NECAB3: variants seen among roughly 807,000 people sequenced by gnomAD.
NECAB3 encodes N-terminal EF-hand calcium-binding protein 3.
Under a neutral mutation model 57.2 loss-of-function variants are expected in NECAB3, and 38 were observed. The ratio of observed to expected loss-of-function variants is 0.66; its 90% CI spans 0.51 to 0.87. The LOEUF (loss-of-function observed/expected upper bound fraction) is 0.87, where lower values mean the gene tolerates loss of function less well. Ranked by LOEUF, NECAB3 falls within the 40% of genes least tolerant of loss-of-function variation. The probability of loss-of-function intolerance (pLI) is 0.00; values close to 1 mark genes in which losing one functional copy is unlikely to be tolerated. For synonymous variants in NECAB3, 223 were observed against 222.6 expected (o/e 1.00, Z -0.02); for missense variants, 474 against 527.5 (o/e 0.90, Z 0.99).
chr20:33,667,353 G>A (rs1568899539), intron 5 of NECAB3: 1 of 1,106,156 alleles, frequency 9.0e-7, no homozygotes. Flanking sequence ...TGGAAGGGCT[G>A]TGGGAGCGCC....
intron 8 of NECAB3, 60 bp from the exon 9 acceptor site, chr20:33,658,894 G>A (rs1346230618): frequency 3.2e-6 from 4 of 1,230,792 alleles, no homozygotes; most frequent in Non-Finnish European, 4.7e-6. Flanking sequence ...GGGACTGGCT[G>A]TGGCCTCCAG....
At chr20:33,667,760 C>G (rs1445855958) in intron 5 of NECAB3, 2 of 1,612,464 alleles carry the variant, frequency 1.2e-6, no homozygotes, top group Non-Finnish European at 1.7e-6. Context: ...TGCTACGTGT[C>G]CCTGGACTTC....
Position 33,670,675 on chromosome 20 carries a change from C to G in NECAB3, c.263+9G>C. On this transcript the variant is annotated intron_variant, in intron 3 of 11. Coordinates refer to ENST00000246190, the MANE Select transcript of NECAB3 (RefSeq NM_031232.4). ...CTCGCATCTACCCACGGCCCCCTCT[C>G]ATACTCACTCGGTGAGATGCCCATC... The G allele has an allele frequency of 6.2e-7, 1 of 1,607,108 alleles. No homozygotes were observed. Among genetic ancestry groups the G allele is most frequent in the Non-Finnish European group, 8.5e-7 (1 of 1,174,474 alleles).
chr20:33,672,295 T>C (rs1486843648), intron 2 of NECAB3, 103 bp downstream of exon 2: 41 of 1,395,824 alleles, frequency 2.9e-5, no homozygotes, highest in Middle Eastern at 3.5e-4. Flanking sequence ...CCCCAAGATT[T>C]GTCTCAACTC....
At position 33,659,670 on chromosome 20, in the gene NECAB3, C is replaced by A; in HGVS notation, c.706G>T (p.Asp236Tyr). The change falls in exon 8 of 12, where the codon GAC (aspartate) becomes TAC (tyrosine). Residue 236 changes from aspartate to tyrosine, a missense_variant. By Grantham distance (160) the Asp-to-Tyr change is radical. Transcript: ENST00000246190. The part of the protein sequence containing the change: ...LQVNRLQELI[D>Y]QLECKVRAVG... ...GCCCTCACCTTGCACTCGAGCTGGT[C>A]GATGAGCTCCTGGAGGCGGTTCACC... The A allele has an allele frequency of 6.2e-7, 1 of 1,610,574 alleles. No homozygotes were observed. Among genetic ancestry groups the A allele is most frequent in the South Asian group, 1.1e-5 (1 of 90,864 alleles).
At chr20:33,672,235 G>A (rs892145822) in intron 2 of NECAB3, 163 bp downstream of exon 2, 4 of 833,670 alleles carry the variant, frequency 4.8e-6, no homozygotes, top group African/African-American at 3.4e-5. Context: ...ACTTGGCTGA[G>A]AACAGCACTT....
In NECAB3 at chr20:33,659,946, T is replaced by A. The variant is rs1470493733; in HGVS notation, c.582A>T (p.Gly194=). ...GGCTGACACTCCTCAGGGCTCGGCG[T>A]CCTGCCCGCCGGCTGCCGCAGAGCC... ...QSRLCGSRRA[G]RRALRSVSRS... The change falls in exon 7 of 12, where the codon GGA becomes GGT. Residue 194 remains glycine (G), a synonymous_variant. Coordinates refer to ENST00000246190, the MANE Select transcript of NECAB3 (RefSeq NM_031232.4). 1 of 1,555,380 alleles carries A rather than the reference T, an allele frequency of 6.4e-7. No homozygotes were observed. The highest frequency in any genetic ancestry group is 8.7e-7 in the Non-Finnish European group (1 of 1,152,142).
intron 8 of NECAB3, 113 bp from the exon 9 acceptor site, chr20:33,658,947 G>T: frequency 1.4e-6 from 1 of 740,176 alleles, no homozygotes; most frequent in South Asian, 1.6e-5. Flanking sequence ...TTTTAAGACA[G>T]GGTCTTGCTC....
In NECAB3 at chr20:33,674,220, T is replaced by C; in HGVS notation, c.129+4A>G. 8.0e-7 allele frequency: 1 copy of C among 1,253,826 alleles called. No individual in the cohort carries two copies. The allele number at this position is 1,253,826 out of a possible 1,614,324, so 77.7% of individuals were successfully genotyped here. A position where few individuals can be genotyped will look rare whatever the true frequency, so the allele number is the denominator to read the frequency against. On this transcript the variant is annotated splice_donor_region_variant and intron_variant, in intron 1 of 11. Transcript: ENST00000246190. Reference sequence around the variant, plus strand: ...CACCGCGAGCAGAGCCCGCGCCCACTCACGTCCTGGAAGAGCGTGTGTCCG... The same window carrying C: ...CACCGCGAGCAGAGCCCGCGCCCACCCACGTCCTGGAAGAGCGTGTGTCCG...
At chr20:33,661,432 G>C (rs530184775) in intron 5 of NECAB3, among the ~76,000 whole-genome samples, 8 of 152,300 alleles carry the variant, frequency 5.3e-5, no homozygotes, top group Admixed American at 2.0e-4. Flanking sequence ...CTCAGCCATC[G>C]GATGGGACCT....
chr20:33,658,579 G>A (rs759483612), intron 9 of NECAB3, 25 bp from the exon 10 acceptor site: 1 of 1,612,196 alleles, frequency 6.2e-7, no homozygotes, highest in African/African-American at 1.3e-5. Context: ...AGATGGGCAG[G>A]CCAGGCCAGG....
At chr20:33,659,763 G>A in intron 7 of NECAB3, 31 bp from the exon 8 acceptor site, 1 of 1,556,620 alleles carries the variant, frequency 6.4e-7, no homozygotes, top group Non-Finnish European at 8.7e-7. Flanking sequence ...GGGTCAGGCA[G>A]GGGCCTCTCA....
chr20:33,663,324 C>T, intron 5 of NECAB3: 1 of 575,710 alleles, frequency 1.7e-6, no homozygotes, highest in South Asian at 2.2e-5. Flanking sequence ...GAGGCGGAGT[C>T]CGGGGCGCCA....
rs998347483 is a variant in NECAB3, at chr20:33,657,503, G to C, written c.*326C>G. The stretch of plus-strand genomic sequence containing the variant: ...CCCTCGCTAGGCGGCCAGATGGCCT[G>C]AGGCCCACCCAGACAGGGACGGGAC... On this transcript the variant is annotated 3_prime_UTR_variant, in exon 12 of 12. Transcript: ENST00000246190. 1 of 361,768 alleles carries C rather than the reference G, an allele frequency of 2.8e-6. No homozygotes were observed. The highest frequency in any genetic ancestry group is 4.4e-5 in the Admixed American group (1 of 22,484). 22.4% of individuals were successfully genotyped at this position (361,768 alleles called of 1,614,324 possible).
At chr20:33,674,471 G>C (rs927111240), upstream of NECAB3, 1 of 873,468 alleles carries the variant, frequency 1.1e-6, no homozygotes, top group Non-Finnish European at 1.4e-6. Context: ...CTCAGGCCCC[G>C]CCCCCGCCCC....
intron 5 of NECAB3, chr20:33,663,566 GGCAGCCGC>G: frequency 6.2e-7 from 1 of 1,610,904 alleles, no homozygotes; most frequent in Non-Finnish European, 8.5e-7. Flanking sequence ...CTGGACAAGC[GGCAGCCGC>G]TGGCCAACGC....
chr20:33,667,713 GCC>G, intron 5 of NECAB3: 2 of 1,612,070 alleles, frequency 1.2e-6, no homozygotes, highest in South Asian at 2.2e-5. Context: ...AGCAGGCCCT[GCC>G]CCGCAAGGCC....
At chr20:33,661,585 C>T (rs534772077) in intron 5 of NECAB3, among the ~76,000 whole-genome samples, 9 of 152,356 alleles carry the variant, frequency 5.9e-5, no homozygotes, top group Middle Eastern at 3.4e-3. Context: ...GTTTCTGTTG[C>T]TTTCAACCAG....
chr20:33,669,854 C>T (rs574742623), intron 3 of NECAB3, 142 bp from the exon 4 acceptor site: 2 of 872,844 alleles, frequency 2.3e-6, no homozygotes, highest in African/African-American at 1.7e-5. Flanking sequence ...TAAGTTGCTC[C>T]TGTGGACAGA....
Sources: allele counts gnomAD v4.1 joint callset (sites outside exome capture counted in the v4.1 genomes callset), GRCh38; gene constraint gnomAD v4.1.1; transcripts MANE v1.5; gene names NCBI Gene and HGNC (gene_info 2026-07-23, HGNC 2026-07-21).